GNAZ: variants seen among roughly 807,000 people sequenced by gnomAD.
GNAZ encodes the protein G protein subunit alpha z.
A neutral mutation model predicts 25.4 loss-of-function variants in GNAZ; 3 were observed. The observed-to-expected ratio is 0.12, with a 90% confidence interval of 0.05 to 0.30. GNAZ has a LOEUF of 0.30. Among genes scored for constraint, GNAZ ranks in the 10% least tolerant of loss-of-function variants. The probability of loss-of-function intolerance (pLI) is 1.00; values close to 1 mark genes in which losing one functional copy is unlikely to be tolerated. For synonymous variants in GNAZ, 211 were observed against 205.7 expected (o/e 1.03, Z -0.22); for missense variants, 241 against 501.8 (o/e 0.48, Z 4.97).
intron 1 of GNAZ, among the ~76,000 whole-genome samples, chr22:23,072,047 C>G (rs1178058290): frequency 6.6e-6 from 1 of 152,066 alleles, no homozygotes; most frequent in Non-Finnish European, 1.5e-5. Flanking sequence ...TTCCATGACC[C>G]CATGAGCTGG....
At chr22:23,086,623 A>C (rs1989778) in intron 1 of GNAZ, among the ~76,000 whole-genome samples, 53,030 of 152,110 alleles carry the variant, frequency 0.35, 10,170 homozygotes, top group African/African-American at 0.52. Flanking sequence ...TTCCCTGAGA[A>C]AGACCCTCCC....
intron 1 of GNAZ, among the ~76,000 whole-genome samples, chr22:23,077,374 G>A (rs1324057752): frequency 5.3e-5 from 8 of 152,110 alleles, no homozygotes; most frequent in Admixed American, 1.3e-4. Context: ...CCCATGCTTC[G>A]TTCATGGCAG....
chr22:23,095,899 G>C lies in GNAZ; in HGVS notation c.204G>C (p.Glu68Asp). 6.2e-7 allele frequency: 1 copy of C among 1,613,678 alleles called. No individual in the cohort carries two copies. The highest frequency in any genetic ancestry group is 8.5e-7 in the Non-Finnish European group (1 of 1,180,024). Residue 68 changes from glutamate (E) to aspartate (D), a missense_variant, in exon 2 of 3, where the codon GAG becomes GAC. Transcript: ENST00000615612. ...SGGFNLEACK[E>D]YKPLIIYNAI... ...GCTTCAACCTGGAGGCCTGCAAGGA[G>C]TACAAGCCCCTCATCATCTACAATG...
Position 23,096,282 on chromosome 22 carries a change from C to T in GNAZ, c.587C>T (p.Thr196Ile), listed in dbSNP as rs755736229. Residue 196 changes from threonine (T) to isoleucine (I), a missense_variant, in exon 2 of 3, where the codon ACC (threonine) becomes ATC (isoleucine). Coordinates refer to ENST00000615612, the MANE Select transcript of GNAZ (RefSeq NM_002073.4). ...AACAAGTTCACCTTCAAGGAGCTCA[C>T]CTTCAAGATGGTGGACGTGGGGGGG... ...VENKFTFKEL[T>I]FKMVDVGGQR... 1 of 1,614,058 alleles carries T rather than the reference C, an allele frequency of 6.2e-7. No homozygotes were observed. The highest frequency in any genetic ancestry group is 2.2e-5 in the East Asian group (1 of 44,882).
chr22:23,114,523 G>C (rs982168812), intron 2 of GNAZ, among the ~76,000 whole-genome samples: 2 of 151,640 alleles, frequency 1.3e-5, no homozygotes, highest in Non-Finnish European at 2.9e-5. Flanking sequence ...ATTACCCCTC[G>C]CCCCCTGCAT....
chr22:23,120,439 G>C (rs1051545982), intron 2 of GNAZ, among the ~76,000 whole-genome samples: 5 of 152,188 alleles, frequency 3.3e-5, no homozygotes, highest in Non-Finnish European at 5.9e-5. Flanking sequence ...CCCTGCAGAG[G>C]ACCAGTCTGG....
intron 2 of GNAZ, among the ~76,000 whole-genome samples, chr22:23,112,996 G>C (rs1357176748): frequency 3.5e-4 from 53 of 152,162 alleles, no homozygotes; most frequent in Admixed American, 3.5e-3. Context: ...GTCTGACGTG[G>C]CCCATTTTAC....
At chr22:23,102,443 C>A (rs988202566) in intron 2 of GNAZ, among the ~76,000 whole-genome samples, 4 of 152,268 alleles carry the variant, frequency 2.6e-5, no homozygotes, top group African/African-American at 9.6e-5. Flanking sequence ...CTGTCAAAAG[C>A]AGCTGCTCCT....
intron 1 of GNAZ, among the ~76,000 whole-genome samples, chr22:23,079,336 C>T (rs890172622): frequency 5.9e-5 from 9 of 152,196 alleles, no homozygotes; most frequent in Non-Finnish European, 1.2e-4. Flanking sequence ...GGCGCGGAAG[C>T]GAAGTCCACT....
At chr22:23,110,231 C>T (rs1397918030) in intron 2 of GNAZ, among the ~76,000 whole-genome samples, 1 of 152,114 alleles carries the variant, frequency 6.6e-6, no homozygotes, top group Non-Finnish European at 1.5e-5. Flanking sequence ...CCTCTGAGCA[C>T]CACTTTCCAC....
intron 2 of GNAZ, among the ~76,000 whole-genome samples, chr22:23,117,824 C>G (rs2069895431): frequency 6.6e-6 from 1 of 152,256 alleles, no homozygotes; most frequent in Admixed American, 6.5e-5. Context: ...CCAGGGACAT[C>G]TGCCCCTTTG....
intron 2 of GNAZ, among the ~76,000 whole-genome samples, chr22:23,116,621 T>C (rs954153898): frequency 6.6e-6 from 1 of 152,170 alleles, no homozygotes; most frequent in Non-Finnish European, 1.5e-5. Flanking sequence ...GCTGTGATAC[T>C]CAGCACTGTG....
intron 2 of GNAZ, among the ~76,000 whole-genome samples, chr22:23,114,400 C>A (rs1253787748): frequency 6.6e-6 from 1 of 152,240 alleles, no homozygotes; most frequent in Non-Finnish European, 1.5e-5. Flanking sequence ...CGGCCCCACC[C>A]TTCCCAGCAA....
chr22:23,101,587 G>A (rs940826794), intron 2 of GNAZ, among the ~76,000 whole-genome samples: 6 of 152,226 alleles, frequency 3.9e-5, no homozygotes, highest in African/African-American at 1.4e-4. Context: ...CTGGTCAAGG[G>A]CATAGCTCCA....
rs200927041 is a variant in GNAZ, at chr22:23,095,757, G to A, written c.62G>A (p.Arg21His). Residue 21 changes from arginine (R) to histidine (H), a missense_variant, in exon 2 of 3, where the codon CGC becomes CAC. By Grantham distance (29) the Arg-to-His change is conservative. Coordinates refer to ENST00000615612, the MANE Select transcript of GNAZ (RefSeq NM_002073.4). The stretch of plus-strand genomic sequence containing the variant: ...GCCCGGCGGTCCCGGAGAATTGACC[G>A]CCACCTGCGCTCAGAGAGCCAGCGG... ...EAARRSRRIDRHLRSESQRQR... is the reference protein window; with the variant it reads ...EAARRSRRIDHHLRSESQRQR... 6.2e-6 allele frequency: 10 copies of A among 1,612,712 alleles called. No individual in the cohort carries two copies. Among genetic ancestry groups the A allele is most frequent in the Non-Finnish European group, 8.5e-6 (10 of 1,179,752 alleles).
intron 2 of GNAZ, among the ~76,000 whole-genome samples, chr22:23,115,720 T>C (rs962712565): frequency 2.0e-5 from 3 of 152,216 alleles, no homozygotes; most frequent in East Asian, 1.9e-4. Context: ...CCACCTGAAG[T>C]TGGGGGCCGG....
intron 2 of GNAZ, among the ~76,000 whole-genome samples, chr22:23,097,643 G>C (rs371387295): frequency 1.3e-5 from 2 of 152,384 alleles, no homozygotes; most frequent in East Asian, 3.9e-4. Flanking sequence ...TGCTCTCCAG[G>C]GTTCTGGCCC....
Position 23,123,399 on chromosome 22 carries a change from C to A in GNAZ, c.1036C>A (p.Gln346Lys). The A allele has an allele frequency of 6.2e-7, 1 of 1,613,686 alleles. No homozygotes were observed. Among genetic ancestry groups the A allele is most frequent in the Non-Finnish European group, 8.5e-7 (1 of 1,179,698 alleles). Reference protein sequence around the residue: ...VFDAVTDVIIQNNLKYIGLC With the variant: ...VFDAVTDVIIKNNLKYIGLC ...CGACGCGGTGACAGACGTCATCATA[C>A]AGAACAATCTCAAGTACATTGGCCT... The change falls in exon 3 of 3, where the codon CAG (glutamine) becomes AAG (lysine). Residue 346 changes from glutamine to lysine, a missense_variant. Coordinates refer to ENST00000615612, the MANE Select transcript of GNAZ (RefSeq NM_002073.4).
chr22:23,109,871 C>G (rs1292089901), intron 2 of GNAZ, among the ~76,000 whole-genome samples: 2 of 152,196 alleles, frequency 1.3e-5, no homozygotes, highest in African/African-American at 4.8e-5. Context: ...CAGGTACCAG[C>G]CCCCCACCTC....
Sources: gnomAD v4.1 joint callset for allele counts (sites outside exome capture counted in the v4.1 genomes callset) on GRCh38, gnomAD v4.1.1 for gene constraint, MANE v1.5 for transcripts, NCBI Gene and HGNC (gene_info 2026-07-23, HGNC 2026-07-21) for gene names.